Variants in PRR5 observed in about 807,000 individuals in gnomAD.
PRR5 encodes proline rich 5.
Under a neutral mutation model 30.6 loss-of-function variants are expected in PRR5, and 25 were observed. The observed-to-expected ratio is 0.82, with a 90% CI of 0.60 to 1.14. PRR5 has a LOEUF of 1.14. Among genes scored for constraint, PRR5 ranks in the 50% most tolerant of loss-of-function variants. The pLI is 0.00. For missense variants in PRR5, 600 were observed against 547.1 expected (o/e 1.10, Z -0.96); for synonymous variants, 286 against 247.1 (o/e 1.16, Z -1.48).
At chr22:44,676,390 CAAAAAAAAAA>C (rs59016907), upstream of PRR5, among the ~76,000 whole-genome samples, 78 of 37,068 alleles carry the variant, frequency 2.1e-3, no homozygotes, top group African/African-American at 6.1e-3. Context: ...GACCCTGTCT[CAAAAAAAAAA>C]AAAAAAAAAA....
At chr22:44,697,588 C>A (rs779486221), upstream of PRR5, among the ~76,000 whole-genome samples, 2 of 152,214 alleles carry the variant, frequency 1.3e-5, no homozygotes, top group Non-Finnish European at 2.9e-5. Context: ...GCTTCGCCAC[C>A]AGGGGGCGGA....
At chr22:44,680,041 G>A (rs1924133126) in intron 1 of PRR5, among the ~76,000 whole-genome samples, 1 of 152,208 alleles carries the variant, frequency 6.6e-6, no homozygotes, top group Non-Finnish European at 1.5e-5. Flanking sequence ...GTTTGGTGGG[G>A]TGAGCAGTGA....
At chr22:44,713,597 C>G (rs1340616986) in intron 1 of PRR5, among the ~76,000 whole-genome samples, 1 of 152,198 alleles carries the variant, frequency 6.6e-6, no homozygotes, top group Admixed American at 6.5e-5. Context: ...ACCTCCCAGC[C>G]TCAAGCAATC....
At chr22:44,688,360 G>A (rs1286810576) in intron 1 of PRR5, among the ~76,000 whole-genome samples, 2 of 151,984 alleles carry the variant, frequency 1.3e-5, no homozygotes, top group African/African-American at 4.8e-5. Flanking sequence ...TTCCAGCCTG[G>A]GCTACAGAGC....
At chr22:44,677,917 G>A (rs1214069805) in intron 1 of PRR5, among the ~76,000 whole-genome samples, 2 of 152,172 alleles carry the variant, frequency 1.3e-5, no homozygotes, top group Admixed American at 1.3e-4. Flanking sequence ...CCTTTGCACC[G>A]GCTCCAGTTT....
chr22:44,730,458 G>T (rs1470725508), intron 4 of PRR5: 2 of 985,220 alleles, frequency 2.0e-6, no homozygotes, highest in African/African-American at 1.7e-5. Flanking sequence ...GGTTCTTCAC[G>T]TTGCCTCTCC....
intron 4 of PRR5, among the ~76,000 whole-genome samples, chr22:44,728,865 C>T (rs920650239): frequency 2.0e-5 from 3 of 152,210 alleles, no homozygotes; most frequent in East Asian, 1.9e-4. Context: ...CCTTGGACTT[C>T]AGCCCCTGGG....
At chr22:44,732,778 T>TGCACGCACACGCTACACACATGCCTGTGC (rs1922303463) in intron 6 of PRR5, among the ~76,000 whole-genome samples, 2 of 140,042 alleles carry the variant, frequency 1.4e-5, no homozygotes, top group Non-Finnish European at 3.1e-5. Flanking sequence ...CATGCCTGTG[T>TGCACGCACACGCTACACACATGCCTGTGC]GCACGCACAT....
intron 4 of PRR5, 173 bp from the exon 5 acceptor site, chr22:44,731,557 C>T: frequency 1.5e-6 from 1 of 645,798 alleles, no homozygotes; most frequent in Non-Finnish European, 2.8e-6. Context: ...AGCAGTGGGC[C>T]CAGGGCCATA....
At chr22:44,718,256 G>A (rs1382288805) in intron 2 of PRR5, among the ~76,000 whole-genome samples, 2 of 145,334 alleles carry the variant, frequency 1.4e-5, no homozygotes, top group African/African-American at 5.1e-5. Flanking sequence ...GTGCAGTGGG[G>A]CGATCTTGGC....
chr22:44,734,078 C>T (rs1358261410), intron 6 of PRR5: 1 of 152,248 alleles, frequency 6.6e-6, no homozygotes, highest in African/African-American at 2.4e-5. Flanking sequence ...TTGAGACCAT[C>T]CTGGCCAACA....
intron 1 of PRR5, among the ~76,000 whole-genome samples, chr22:44,686,679 C>G (rs1924783319): frequency 6.6e-6 from 1 of 152,184 alleles, no homozygotes; most frequent in South Asian, 2.1e-4. Flanking sequence ...CCACGCCCAG[C>G]TAATTTTTGT....
rs1472936618 is a variant in PRR5, at chr22:44,684,955, C to A, written c.-11+7715C>A. On this transcript the variant is annotated intron_variant, in intron 1 of 8. Transcript: ENST00000006251. ...GGGGAAGGGAAGTGGCAGCCCGGGA[C>A]TCAGGGCCCGGCACGAAGTAGGCGC... Among the ~76,000 whole-genome samples, 10 of 152,312 alleles carry A rather than the reference C, an allele frequency of 6.6e-5. No individual in the cohort carries two copies. In the East Asian group the frequency reaches 1.7e-3, roughly 26 times the overall value.
chr22:44,724,173 T>C (rs1188602178), intron 2 of PRR5, among the ~76,000 whole-genome samples: 3 of 152,176 alleles, frequency 2.0e-5, no homozygotes, highest in Non-Finnish European at 2.9e-5. Flanking sequence ...TGGTGGCTCA[T>C]ACCTGTAATC....
At chr22:44,687,621 C>G (rs746575640) in intron 1 of PRR5, among the ~76,000 whole-genome samples, 15 of 152,222 alleles carry the variant, frequency 9.9e-5, no homozygotes, top group Admixed American at 3.9e-4. Flanking sequence ...CTCAAGCCCT[C>G]TGGTGTTCTG....
intron 2 of PRR5, among the ~76,000 whole-genome samples, chr22:44,718,556 G>A (rs1337841157): frequency 1.3e-5 from 2 of 152,114 alleles, no homozygotes; most frequent in Non-Finnish European, 2.9e-5. Flanking sequence ...TGACTCTGTG[G>A]TTATCTCTTT....
At chr22:44,708,618 A>G (rs2147044073) in intron 1 of PRR5, among the ~76,000 whole-genome samples, 1 of 152,228 alleles carries the variant, frequency 6.6e-6, no homozygotes, top group South Asian at 2.1e-4. Flanking sequence ...TCCCCACAGT[A>G]ACCTTTAAGG....
At chr22:44,674,726 A>G (rs960408537), upstream of PRR5, among the ~76,000 whole-genome samples, 1 of 151,752 alleles carries the variant, frequency 6.6e-6, no homozygotes, top group African/African-American at 2.4e-5. Flanking sequence ...CTAAAAAAAA[A>G]GAAAAAAAAA....
intron 1 of PRR5, among the ~76,000 whole-genome samples, chr22:44,706,458 C>G (rs948937931): frequency 6.6e-6 from 1 of 152,184 alleles, no homozygotes; most frequent in Admixed American, 6.6e-5. Flanking sequence ...CCCTGGAGTG[C>G]TGAGCATTTC....
Sources: gnomAD v4.1 joint callset for allele counts (sites outside exome capture counted in the v4.1 genomes callset) on GRCh38, gnomAD v4.1.1 for gene constraint, MANE v1.5 for transcripts, NCBI Gene and HGNC (gene_info 2026-07-23, HGNC 2026-07-21) for gene names.